HEMK2: variants seen among roughly 807,000 people sequenced by gnomAD.
The protein encoded by HEMK2 is HemK methyltransferase 2, ETF1 glutamine and histone H4 lysine.
the HEMK2 span, among the ~76,000 whole-genome samples, chr21:28,680,572 A>T: frequency 1.6e-4 from 24 of 152,194 alleles, no homozygotes; most frequent in Non-Finnish European, 2.9e-5. Context: ...TCATCCTGAT[A>T]CCAAAGCCGG....
the HEMK2 span, chr21:28,885,158 A>C: frequency 6.7e-7 from 1 of 1,485,098 alleles, no homozygotes; most frequent in African/African-American, 1.4e-5. Context: ...CCTCCACCGC[A>C]CTTCTTCAGA....
the HEMK2 span, among the ~76,000 whole-genome samples, chr21:28,613,619 C>CTTTTTTTTTTTTTTTTTTTTTTT: frequency 2.2e-4 from 18 of 82,700 alleles, 3 homozygotes; most frequent in African/African-American, 8.3e-4. Context: ...TCTGCATATT[C>CTTTTTTTTTTTTTTTTTTTTTTT]TTTTTTTTTT....
the HEMK2 span, among the ~76,000 whole-genome samples, chr21:28,652,365 G>T: frequency 6.6e-6 from 1 of 152,092 alleles, no homozygotes; most frequent in East Asian, 1.9e-4. Flanking sequence ...GACCCAATCA[G>T]ATTGGAAAGA....
At chr21:28,725,496 GAA>G in the HEMK2 span, among the ~76,000 whole-genome samples, 9 of 152,136 alleles carry the variant, frequency 5.9e-5, no homozygotes, top group Non-Finnish European at 1.3e-4. Flanking sequence ...CACATGGAGG[GAA>G]CTTGATGAAA....
chr21:28,686,455 G>A, the HEMK2 span, among the ~76,000 whole-genome samples: 2 of 151,910 alleles, frequency 1.3e-5, no homozygotes, highest in Non-Finnish European at 2.9e-5. Context: ...GGCTGGTCTC[G>A]AACTCCTGAC....
chr21:28,742,685 G>GA, the HEMK2 span, among the ~76,000 whole-genome samples: 4 of 151,012 alleles, frequency 2.6e-5, no homozygotes, highest in East Asian at 5.8e-4. Context: ...AAAAAAAAAG[G>GA]AAAAAAAATG....
chr21:28,661,300 T>C, the HEMK2 span, among the ~76,000 whole-genome samples: 4 of 152,164 alleles, frequency 2.6e-5, no homozygotes, highest in East Asian at 5.8e-4. Context: ...AAATTTCTAA[T>C]TGCACCTTCA....
the HEMK2 span, among the ~76,000 whole-genome samples, chr21:28,631,309 G>A: frequency 6.6e-6 from 1 of 152,164 alleles, no homozygotes; most frequent in Non-Finnish European, 1.5e-5. Context: ...AAATTCTTTA[G>A]CAAATGTGCT....
chr21:28,705,688 T>C, the HEMK2 span, among the ~76,000 whole-genome samples: 3 of 152,150 alleles, frequency 2.0e-5, no homozygotes, highest in African/African-American at 7.2e-5. Context: ...TTCTGTAGGC[T>C]AGAAGTCCAA....
chr21:28,880,377 T>C, the HEMK2 span, among the ~76,000 whole-genome samples: 1 of 152,220 alleles, frequency 6.6e-6, no homozygotes, highest in African/African-American at 2.4e-5. Flanking sequence ...TAGTCTCTTC[T>C]ATCTCTGGTG....
chr21:28,672,890 A>G, the HEMK2 span, among the ~76,000 whole-genome samples: 1 of 152,090 alleles, frequency 6.6e-6, no homozygotes, highest in Non-Finnish European at 1.5e-5. Flanking sequence ...CTAAGCAAAC[A>G]AAAAATACCT....
At chr21:28,795,002 G>C in the HEMK2 span, among the ~76,000 whole-genome samples, 1 of 152,176 alleles carries the variant, frequency 6.6e-6, no homozygotes, top group Non-Finnish European at 1.5e-5. Flanking sequence ...CCATTTTTCT[G>C]AACAAATATA....
the HEMK2 span, among the ~76,000 whole-genome samples, chr21:28,657,997 T>C: frequency 1.3e-5 from 2 of 152,062 alleles, no homozygotes; most frequent in Non-Finnish European, 2.9e-5. Flanking sequence ...ACTTCTTGAA[T>C]GGTAGTTCTG....
At chr21:28,643,839 G>C in the HEMK2 span, among the ~76,000 whole-genome samples, 20 of 152,340 alleles carry the variant, frequency 1.3e-4, no homozygotes, top group African/African-American at 4.8e-4. Flanking sequence ...ATCAAATGAA[G>C]TCAGCAGGAA....
At chr21:28,699,541 A>AT in the HEMK2 span, among the ~76,000 whole-genome samples, 18 of 152,186 alleles carry the variant, frequency 1.2e-4, no homozygotes, top group Non-Finnish European at 1.9e-4. Context: ...AGAATACATG[A>AT]TTTTTTAAAG....
the HEMK2 span, among the ~76,000 whole-genome samples, chr21:28,579,524 C>T: frequency 6.6e-6 from 1 of 151,988 alleles, no homozygotes; most frequent in Non-Finnish European, 1.5e-5. Flanking sequence ...TTTAAAATAG[C>T]TGTCTTAGAA....
chr21:28,772,025 C>T, the HEMK2 span, among the ~76,000 whole-genome samples: 21 of 152,202 alleles, frequency 1.4e-4, no homozygotes, highest in Non-Finnish European at 2.2e-4. Context: ...AAATCCTCTT[C>T]ACTAATCATA....
At chr21:28,719,888 T>C in the HEMK2 span, among the ~76,000 whole-genome samples, 9 of 152,334 alleles carry the variant, frequency 5.9e-5, no homozygotes, top group Middle Eastern at 6.8e-3. Flanking sequence ...CAGATTTGCA[T>C]AGAACAGGAA....
the HEMK2 span, among the ~76,000 whole-genome samples, chr21:28,592,417 G>A: frequency 6.6e-6 from 1 of 152,178 alleles, no homozygotes; most frequent in Admixed American, 6.5e-5. Context: ...TAAAGATGAT[G>A]TCATTAACAC....
Sources: gnomAD v4.1 joint callset for allele counts (sites outside exome capture counted in the v4.1 genomes callset) on GRCh38, gnomAD v4.1.1 for gene constraint, MANE v1.5 for transcripts, NCBI Gene and HGNC (gene_info 2026-07-23, HGNC 2026-07-21) for gene names.